The following ACVR2B variants were observed in gnomAD, a reference collection of about 807,000 sequenced individuals.
ACVR2B encodes the protein activin A receptor type 2B, also known as activin receptor type-2B.
In ACVR2B, 18 loss-of-function variants were observed where a neutral mutation model predicts 65.1. That is an observed-to-expected ratio of 0.28 (90% CI 0.19 to 0.41). The LOEUF (loss-of-function observed/expected upper bound fraction) is 0.41, where lower values mean the gene tolerates loss of function less well. ACVR2B is among the 10% of genes least tolerant of loss of function. ACVR2B has a pLI of 1.00. For missense variants in ACVR2B, 482 were observed against 682.7 expected (o/e 0.71, Z 3.28); for synonymous variants, 298 against 277.7 (o/e 1.07, Z -0.73).
intron 1 of ACVR2B, among the ~76,000 whole-genome samples, chr3:38,466,658 C>A (rs1465645866): frequency 1.3e-5 from 2 of 152,078 alleles, no homozygotes; most frequent in African/African-American, 4.8e-5. Flanking sequence ...CACACGCCAC[C>A]AAGCCTGGCT....
In ACVR2B at chr3:38,478,500, C is replaced by G. The variant is rs1709954503; in HGVS notation, c.648C>G (p.Val216=). 1 of 1,614,034 alleles carries G rather than the reference C, an allele frequency of 6.2e-7. No homozygotes were observed. The highest frequency in any genetic ancestry group is 1.3e-5 in the African/African-American group (1 of 74,924). Residue 216 remains valine (V), a synonymous_variant, in exon 5 of 11, where the codon GTC becomes GTG. Transcript: ENST00000352511. ...AGCTCATGAATGACTTTGTAGCTGT[C>G]AAGATCTTCCCACTCCAGGTGAGTG... ...KAQLMNDFVA[V]KIFPLQDKQS... is the part of the protein sequence containing the mutation.
chr3:38,462,437 T>A (rs1449085820), intron 1 of ACVR2B, among the ~76,000 whole-genome samples: 5 of 152,178 alleles, frequency 3.3e-5, no homozygotes, highest in African/African-American at 1.2e-4. Context: ...TTTGTTCCAT[T>A]TCAGTCTCTG....
rs2059806760 is a variant in ACVR2B, at chr3:38,491,048, T to C, written c.*7716T>C. ...AATGCTCAAATGTAGAACATTCCTT[T>C]AAATGGCAGGATAAAAAACCCACTA... On this transcript the variant is annotated 3_prime_UTR_variant, in exon 11 of 11. Transcript: ENST00000352511. 1 of 152,596 alleles carries C rather than the reference T, an allele frequency of 6.6e-6. No homozygotes were observed. The highest frequency in any genetic ancestry group is 1.5e-5 in the Non-Finnish European group (1 of 68,038). The allele number at this position is 152,596 out of a possible 1,614,324, so 9.5% of individuals were successfully genotyped here. A position where few individuals can be genotyped will look rare whatever the true frequency, so the allele number is the denominator to read the frequency against.
intron 1 of ACVR2B, among the ~76,000 whole-genome samples, chr3:38,458,371 A>G (rs1044567004): frequency 1.3e-5 from 2 of 152,174 alleles, no homozygotes; most frequent in Non-Finnish European, 2.9e-5. Flanking sequence ...GTGTGTGTAC[A>G]TTGTATGCAC....
Position 38,454,337 on chromosome 3 carries a change from G to T in ACVR2B, c.15G>T (p.Trp5Cys). ...CGCCGCGGAACATGACGGCGCCCTG[G>T]GTGGCCCTCGCCCTCCTCTGGGGAT... MTAPWVALALLWGSL... is the reference protein window; with the variant it reads MTAPCVALALLWGSL... The change falls in exon 1 of 11, where the codon TGG becomes TGT. Residue 5 changes from tryptophan to cysteine, a missense_variant. Transcript: ENST00000352511. 7.7e-7 allele frequency: 1 copy of T among 1,301,762 alleles called. No individual in the cohort carries two copies. Among genetic ancestry groups the T allele is most frequent in the Non-Finnish European group, 9.8e-7 (1 of 1,025,258 alleles). 80.6% of individuals were successfully genotyped at this position (1,301,762 alleles called of 1,614,324 possible).
intron 5 of ACVR2B, 131 bp downstream of exon 5, chr3:38,478,649 C>A: frequency 7.8e-7 from 1 of 1,285,488 alleles, no homozygotes; most frequent in Non-Finnish European, 1.1e-6. Context: ...CTTACTGGGC[C>A]TAGTTACTCA....
intron 1 of ACVR2B, among the ~76,000 whole-genome samples, chr3:38,464,926 C>T (rs1280671645): frequency 6.6e-6 from 1 of 152,030 alleles, no homozygotes; most frequent in Non-Finnish European, 1.5e-5. Context: ...TTAATGGTAC[C>T]TTTAGACATG....
chr3:38,468,080 A>G (rs1709761863), intron 1 of ACVR2B, among the ~76,000 whole-genome samples: 1 of 152,092 alleles, frequency 6.6e-6, no homozygotes, highest in Admixed American at 6.5e-5. Flanking sequence ...GGGTCTCACC[A>G]TGTTGCCCAG....
At chr3:38,474,328 T>G (rs922582679) in intron 1 of ACVR2B, 2 of 152,434 alleles carry the variant, frequency 1.3e-5, no homozygotes, top group Non-Finnish European at 2.9e-5. Flanking sequence ...CCTCCCTTGT[T>G]TGGGCTCCTG....
At position 38,477,467 on chromosome 3, in the gene ACVR2B, G is replaced by A. The variant is rs1709932501; in HGVS notation, c.233G>A (p.Trp78Ter). The A allele has an allele frequency of 6.2e-7, 1 of 1,614,014 alleles. No homozygotes were observed. Among genetic ancestry groups the A allele is most frequent in the Non-Finnish European group, 8.5e-7 (1 of 1,179,990 alleles). The change falls in exon 2 of 11, where the codon TGG (tryptophan) becomes TAG (stop). Residue 78 changes from tryptophan (W) to a stop codon, truncating the protein, a stop_gained. Coordinates refer to ENST00000352511, the MANE Select transcript of ACVR2B (RefSeq NM_001106.4). LOFTEE classifies it high-confidence loss of function. The surrounding 1 kb of genome is among the most constrained non-coding windows in gnomAD (Gnocchi z 6.7). ...GTIELVKKGC[W>*]LDDFNCYDRQ... ...ATCGAGCTCGTGAAGAAGGGCTGCTGGCTAGATGACTTCAACTGCTACGAT... is the reference window on the plus strand; with the variant it reads ...ATCGAGCTCGTGAAGAAGGGCTGCTAGCTAGATGACTTCAACTGCTACGAT...
At chr3:38,482,075 A>G (rs1050268767) in intron 8 of ACVR2B, 123 bp from the exon 9 acceptor site, 4 of 1,293,028 alleles carry the variant, frequency 3.1e-6, no homozygotes, top group Non-Finnish European at 4.5e-6. Flanking sequence ...GCTATCATTG[A>G]TAACCTGTCT....
intron 1 of ACVR2B, among the ~76,000 whole-genome samples, chr3:38,469,657 T>C (rs187106906): frequency 1.7e-3 from 255 of 152,314 alleles, no homozygotes; most frequent in Middle Eastern, 0.014. Flanking sequence ...CCTAGGGAGA[T>C]TGGCAGAAGG....
rs954632103 is a variant in ACVR2B, at chr3:38,488,392, A to G, written c.*5060A>G. On this transcript the variant is annotated 3_prime_UTR_variant, in exon 11 of 11. Transcript: ENST00000352511. ...AAGATTGGAAAAGATTTTTGAAATA[A>G]TGATTTAGTTTTGTAGGAAAAACAC... 6.6e-6 allele frequency: 1 copy of G among 152,212 alleles called. No individual in the cohort carries two copies. Among genetic ancestry groups the G allele is most frequent in the Non-Finnish European group, 1.5e-5 (1 of 68,034 alleles). The allele number at this position is 152,212 out of a possible 1,614,324, so 9.4% of individuals were successfully genotyped here. A position where few individuals can be genotyped will look rare whatever the true frequency, so the allele number is the denominator to read the frequency against.
chr3:38,459,648 AGGCC>A, intron 1 of ACVR2B: 22 of 985,390 alleles, frequency 2.2e-5, no homozygotes, highest in Non-Finnish European at 2.7e-5. Flanking sequence ...TGGAGCCCCC[AGGCC>A]GGGGACACCA....
intron 1 of ACVR2B, 186 bp downstream of exon 1, chr3:38,454,560 CG>C: frequency 2.3e-6 from 1 of 436,140 alleles, no homozygotes; most frequent in Admixed American, 4.7e-5. Flanking sequence ...CTTGGGGGCA[CG>C]ATCTTGTCTG....
At chr3:38,457,850 C>T (rs1307160221) in intron 1 of ACVR2B, among the ~76,000 whole-genome samples, 2 of 152,158 alleles carry the variant, frequency 1.3e-5, no homozygotes, top group Non-Finnish European at 2.9e-5. Context: ...TGACTTTCAT[C>T]CCTCAGGCCT....
At chr3:38,459,486 C>A in intron 1 of ACVR2B, 1 of 591,916 alleles carries the variant, frequency 1.7e-6, no homozygotes, top group Non-Finnish European at 2.1e-6. Flanking sequence ...GCCTGCCCAG[C>A]AGCCCCTCTC....
chr3:38,481,547 C>T lies in ACVR2B; in HGVS notation c.1074+82C>T. ...CTTTTTGTGCTCAGCTGGGGAGGTG[C>T]AGGGATGAGGGTGACTGCATGCGTT... On this transcript the variant is annotated intron_variant, in intron 8 of 10. Transcript: ENST00000352511. This position sits in a 1 kb window ranked among gnomAD's most constrained non-coding sequence, Gnocchi z 4.7. 1.8e-6 allele frequency: 2 copies of T among 1,136,654 alleles called. No individual in the cohort carries two copies. The highest frequency in any genetic ancestry group is 1.2e-5 in the South Asian group (1 of 81,034). The allele number at this position is 1,136,654 out of a possible 1,614,324, so 70.4% of individuals were successfully genotyped here.
chr3:38,471,204 ATAAT>A (rs1709811969), intron 1 of ACVR2B, among the ~76,000 whole-genome samples: 2 of 152,258 alleles, frequency 1.3e-5, no homozygotes, highest in Non-Finnish European at 2.9e-5. Flanking sequence ...AATATATAAA[ATAAT>A]TTCTGTAACT....
Sources: gnomAD v4.1 joint callset for allele counts (sites outside exome capture counted in the v4.1 genomes callset) on GRCh38, gnomAD v4.1.1 for gene constraint, Gnocchi (gnomAD v3.1) non-coding constraint, MANE v1.5 for transcripts, NCBI Gene and HGNC (gene_info 2026-07-23, HGNC 2026-07-21) for gene names.